RASEF: variants seen among roughly 807,000 people sequenced by gnomAD.
RASEF encodes RAS and EF-hand domain containing, also known as ras and EF-hand domain-containing protein.
Under a neutral mutation model 90.1 loss-of-function variants are expected in RASEF, and 68 were observed. That is an observed-to-expected ratio of 0.75 (90% CI 0.62 to 0.92). RASEF has a LOEUF of 0.92. Ranked by LOEUF, RASEF falls within the 40% of genes least tolerant of loss-of-function variation. The pLI is 0.00. For missense variants in RASEF, 949 were observed against 937.2 expected (o/e 1.01, Z -0.16); for synonymous variants, 331 against 345.2 (o/e 0.96, Z 0.46).
the RASEF span, among the ~76,000 whole-genome samples, chr9:83,167,988 T>G: frequency 6.6e-6 from 1 of 152,174 alleles, no homozygotes; most frequent in Non-Finnish European, 1.5e-5. Flanking sequence ...CAAGTTTTTG[T>G]GTGGCATATG....
At chr9:83,082,481 C>G in the RASEF span, among the ~76,000 whole-genome samples, 2 of 152,178 alleles carry the variant, frequency 1.3e-5, no homozygotes, top group Admixed American at 6.5e-5. Flanking sequence ...CACCCTATAC[C>G]ACTTTTTTCT....
chr9:83,063,231 C>T, upstream of RASEF: 1 of 242,696 alleles, frequency 4.1e-6, no homozygotes, highest in Non-Finnish European at 7.9e-6. Context: ...GCCACCGCTT[C>T]TCCAGTTCCC....
the RASEF span, among the ~76,000 whole-genome samples, chr9:83,072,778 C>T: frequency 1.3e-5 from 2 of 152,146 alleles, no homozygotes; most frequent in African/African-American, 4.8e-5. Flanking sequence ...TGGTGCCCAC[C>T]CAGATTGAGG....
chr9:83,184,674 C>G, the RASEF span, among the ~76,000 whole-genome samples: 1 of 150,870 alleles, frequency 6.6e-6, no homozygotes, highest in African/African-American at 2.4e-5. Context: ...TTGAACTGTC[C>G]CACCCCGATC....
At chr9:83,102,645 C>G in the RASEF span, among the ~76,000 whole-genome samples, 2 of 152,094 alleles carry the variant, frequency 1.3e-5, no homozygotes, top group Non-Finnish European at 2.9e-5. Flanking sequence ...GAGGGAAAAA[C>G]GTGGGCAAGA....
the RASEF span, among the ~76,000 whole-genome samples, chr9:83,147,272 C>T: frequency 6.6e-6 from 1 of 152,178 alleles, no homozygotes; most frequent in South Asian, 2.1e-4. Flanking sequence ...CTGCTAATGA[C>T]ATGACTCTCT....
chr9:83,008,403 G>T (rs1829171532), intron 6 of RASEF, among the ~76,000 whole-genome samples: 1 of 150,972 alleles, frequency 6.6e-6, no homozygotes, highest in South Asian at 2.1e-4. Context: ...GTCTCTTTCT[G>T]CCCTGTGGTC....
At chr9:83,198,317 T>A in the RASEF span, among the ~76,000 whole-genome samples, 2 of 152,190 alleles carry the variant, frequency 1.3e-5, no homozygotes, top group Non-Finnish European at 2.9e-5. Flanking sequence ...GACTACTCAA[T>A]AGAATTTACC....
chr9:83,177,810 T>C, the RASEF span, among the ~76,000 whole-genome samples: 1 of 152,096 alleles, frequency 6.6e-6, no homozygotes, highest in Non-Finnish European at 1.5e-5. Flanking sequence ...GGGAAGTTAT[T>C]ATTTCTTCTA....
At chr9:83,206,935 G>C in the RASEF span, among the ~76,000 whole-genome samples, 3 of 152,150 alleles carry the variant, frequency 2.0e-5, no homozygotes, top group East Asian at 5.8e-4. Context: ...TCTCTCCACT[G>C]TTGCGTCTTC....
intron 1 of RASEF, among the ~76,000 whole-genome samples, chr9:83,056,215 G>C (rs556179462): frequency 6.6e-6 from 1 of 152,194 alleles, no homozygotes; most frequent in Admixed American, 6.5e-5. Context: ...ACAAGTTGAA[G>C]CAATGAACTT....
chr9:83,001,320 T>C (rs548157728), intron 9 of RASEF, among the ~76,000 whole-genome samples, 190 bp from the exon 10 acceptor site: 216 of 152,178 alleles, frequency 1.4e-3, no homozygotes, highest in Non-Finnish European at 2.5e-3. Flanking sequence ...TATGCAGCAA[T>C]CAGTTAAGAT....
chr9:82,982,692 ATTC>A lies in RASEF; in HGVS notation c.2205_2207del (p.Lys735del). On this transcript the variant is annotated inframe_deletion, in exon 17 of 17. Coordinates refer to ENST00000376447, the MANE Select transcript of RASEF (RefSeq NM_152573.4). Reference sequence around the variant, plus strand: ...TGTTTGGGATTTAGCCATTGCAACAATTCTTCATCTGTGGTGACTTTTTGGAAT... The same window carrying A: ...TGTTTGGGATTTAGCCATTGCAACAATTCATCTGTGGTGACTTTTTGGAAT... The A allele has an allele frequency of 6.3e-7, 1 of 1,588,986 alleles. No homozygotes were observed. Among genetic ancestry groups the A allele is most frequent in the Non-Finnish European group, 8.6e-7 (1 of 1,157,120 alleles).
intron 1 of RASEF, among the ~76,000 whole-genome samples, chr9:83,038,400 C>G (rs1388874755): frequency 6.6e-6 from 1 of 152,074 alleles, no homozygotes; most frequent in Non-Finnish European, 1.5e-5. Flanking sequence ...GAAGAGTCAA[C>G]TGCTGATGTC....
chr9:83,062,952 G>T lies in RASEF; in HGVS notation c.-85C>A. 1 of 1,309,830 alleles carries T rather than the reference G, an allele frequency of 7.6e-7. No individual in the cohort carries two copies. The highest frequency in any genetic ancestry group is 9.8e-7 in the Non-Finnish European group (1 of 1,018,574). The allele number at this position is 1,309,830 out of a possible 1,614,324, so 81.1% of individuals were successfully genotyped here. ...TGGAAGGACGGGGCCACCTGCTGCC[G>T]CCGGGAGGCCCGGCGAGTTTGGCTC... On this transcript the variant is annotated 5_prime_UTR_variant, in exon 1 of 17. Coordinates refer to ENST00000376447, the MANE Select transcript of RASEF (RefSeq NM_152573.4).
chr9:83,203,403 A>G, the RASEF span, among the ~76,000 whole-genome samples: 1 of 151,670 alleles, frequency 6.6e-6, no homozygotes, highest in Non-Finnish European at 1.5e-5. Context: ...AGCCTCCCAA[A>G]CAGCTGGGAT....
chr9:83,156,659 G>C, the RASEF span, among the ~76,000 whole-genome samples: 1 of 152,182 alleles, frequency 6.6e-6, no homozygotes, highest in Non-Finnish European at 1.5e-5. Flanking sequence ...CTAACAGTGG[G>C]ATAATCATCC....
At chr9:83,064,783 T>C (rs114079653), upstream of RASEF, among the ~76,000 whole-genome samples, 1,975 of 152,298 alleles carry the variant, frequency 0.013, 45 homozygotes, top group African/African-American at 0.044. Flanking sequence ...GAAACACGAA[T>C]TGGCCTGGCA....
At chr9:83,119,568 T>C in the RASEF span, among the ~76,000 whole-genome samples, 1 of 152,170 alleles carries the variant, frequency 6.6e-6, no homozygotes, top group African/African-American at 2.4e-5. Flanking sequence ...ACTGGCAATT[T>C]TGAAGCAAGC....
Sources: allele counts gnomAD v4.1 joint callset (sites outside exome capture counted in the v4.1 genomes callset), GRCh38; gene constraint gnomAD v4.1.1; transcripts MANE v1.5; gene names NCBI Gene and HGNC (gene_info 2026-07-23, HGNC 2026-07-21).